Variants in ADAT1 observed in about 807,000 individuals in gnomAD.
ADAT1 encodes adenosine deaminase tRNA specific 1, also known as tRNA-specific adenosine deaminase 1.
A neutral mutation model predicts 58.6 loss-of-function variants in ADAT1; 58 were observed. That is an observed-to-expected ratio of 0.99 (90% confidence interval 0.80 to 1.23). ADAT1 has a LOEUF of 1.23. Ranked by LOEUF, ADAT1 falls within the 50% of genes most tolerant of loss-of-function variation. ADAT1 has a pLI of 0.00. For missense variants in ADAT1, 741 were observed against 608.6 expected (o/e 1.22, Z -2.29); for synonymous variants, 254 against 220.8 (o/e 1.15, Z -1.33).
Position 75,608,284 on chromosome 16 carries a change from A to T in ADAT1, c.1229T>A (p.Val410Asp). 6.2e-7 allele frequency: 1 copy of T among 1,614,132 alleles called. No individual in the cohort carries two copies. The highest frequency in any genetic ancestry group is 8.5e-7 in the Non-Finnish European group (1 of 1,179,984). The part of the protein sequence containing the change: ...WSAVPEQPLD[V>D]TANGFPQGTT... ...TCCCTGTGGAAAGCCATTGGCAGTA[A>T]CATCCAAAGGCTGCTCAGGAACTGC... Residue 410 changes from valine (V) to aspartate (D), a missense_variant, in exon 8 of 10, where the codon GTT becomes GAT. Transcript: ENST00000564657.
chr16:75,616,332 T>C (rs897702566), intron 5 of ADAT1, among the ~76,000 whole-genome samples: 3 of 151,934 alleles, frequency 2.0e-5, no homozygotes, highest in Non-Finnish European at 4.4e-5. Context: ...GCTGTATCTA[T>C]ATTTTCAATT....
chr16:75,610,887 G>T (rs1394108028), intron 6 of ADAT1, among the ~76,000 whole-genome samples: 1 of 152,156 alleles, frequency 6.6e-6, no homozygotes, highest in Non-Finnish European at 1.5e-5. Flanking sequence ...CAAGGTGGGA[G>T]AATTACTTAA....
chr16:75,608,205 C>T lies in ADAT1; in HGVS notation c.1289+19G>A, dbSNP rs1300240297. 2 of 1,606,924 alleles carry T rather than the reference C, an allele frequency of 1.2e-6. No individual in the cohort carries two copies. Among genetic ancestry groups the T allele is most frequent in the Non-Finnish European group, 1.7e-6 (2 of 1,173,756 alleles). ...GTGAGTTCACAGCCACCATCTCCTC[C>T]TGCCCCAATATGCTGTACCTTGCCT... is the stretch of plus-strand genomic sequence containing the variant. On this transcript the variant is annotated intron_variant, in intron 8 of 9. Coordinates refer to ENST00000564657, the MANE Select transcript of ADAT1 (RefSeq NM_001324445.2).
intron 9 of ADAT1, among the ~76,000 whole-genome samples, chr16:75,601,530 G>A (rs1483360953): frequency 6.6e-6 from 1 of 152,060 alleles, no homozygotes; most frequent in East Asian, 1.9e-4. Context: ...GCTGAGGCAG[G>A]TGGATCGCCC....
At chr16:75,600,679 T>A (rs75537446) in intron 9 of ADAT1, among the ~76,000 whole-genome samples, 1,984 of 149,190 alleles carry the variant, frequency 0.013, 52 homozygotes, top group African/African-American at 0.047. Context: ...AGAATAGTTT[T>A]ACCCAGTGCC....
At chr16:75,608,534 A>G in intron 7 of ADAT1, 3 of 582,012 alleles carry the variant, frequency 5.2e-6, no homozygotes, top group Non-Finnish European at 9.1e-6. Flanking sequence ...ACAATCACTG[A>G]GCATTTATTA....
At chr16:75,615,321 C>G (rs1473542582) in intron 5 of ADAT1, among the ~76,000 whole-genome samples, 1 of 150,872 alleles carries the variant, frequency 6.6e-6, no homozygotes, top group Non-Finnish European at 1.5e-5. Context: ...TCTCACAGAT[C>G]AGTACCTGTT....
intron 9 of ADAT1, among the ~76,000 whole-genome samples, chr16:75,600,838 G>A (rs551424669): frequency 1.3e-5 from 2 of 152,134 alleles, no homozygotes; most frequent in South Asian, 4.1e-4. Context: ...TGAATTTCTT[G>A]TATCCCAAAT....
In ADAT1 at chr16:75,597,661, G is replaced by A. The variant is rs1567454573; in HGVS notation, c.*2555C>T. Among the ~76,000 whole-genome samples, 2 of 152,156 alleles carry A rather than the reference G, an allele frequency of 1.3e-5. No homozygotes were observed. The highest frequency in any genetic ancestry group is 4.1e-4 in the South Asian group (2 of 4,830). ...TCACCATAAGGTAGAATCAGTAGGA[G>A]CCCTGAGCTTGTTTTCCTGCAACTA... On this transcript the variant is annotated 3_prime_UTR_variant, in exon 10 of 10. Transcript: ENST00000564657.
Position 75,620,788 on chromosome 16 carries a change from C to T in ADAT1, c.12G>A (p.Ala4=), listed in dbSNP as rs757880678. The T allele has an allele frequency of 1.7e-5, 28 of 1,612,670 alleles. No homozygotes were observed. The highest frequency in any genetic ancestry group is 3.3e-5 in the South Asian group (3 of 91,030). The change falls in exon 2 of 10, where the codon GCG becomes GCA. Residue 4 remains alanine (A), a synonymous_variant. Transcript: ENST00000564657. MWT[A]DEIAQLCYEH... is the part of the protein sequence containing the mutation. The stretch of plus-strand genomic sequence containing the variant: ...CATAGCATAGCTGAGCAATCTCATC[C>T]GCGGTCCACATGGTCTGAGCTGGTA...
chr16:75,609,489 G>A (rs1022768795), intron 6 of ADAT1, among the ~76,000 whole-genome samples: 2 of 152,060 alleles, frequency 1.3e-5, no homozygotes, highest in Admixed American at 1.3e-4. Context: ...ACAGTGCCTA[G>A]GGTTGGCTTT....
intron 3 of ADAT1, 123 bp from the exon 4 acceptor site, chr16:75,618,763 G>C: frequency 2.8e-6 from 3 of 1,089,464 alleles, no homozygotes; most frequent in South Asian, 3.0e-5. Context: ...GGAGAGCTTT[G>C]CCAGAAGGTA....
chr16:75,604,925 C>T lies in ADAT1; in HGVS notation c.1290-1754G>A, dbSNP rs543482022. ...CACAGGTTTGAACTGTGTGGGTCCA[C>T]TTACACATAGATTTTCTTCTGCCTC... On this transcript the variant is annotated intron_variant, in intron 8 of 9. Coordinates refer to ENST00000564657, the MANE Select transcript of ADAT1 (RefSeq NM_001324445.2). Among the ~76,000 whole-genome samples, 3 of 152,318 alleles carry T rather than the reference C, an allele frequency of 2.0e-5. No individual in the cohort carries two copies. In the South Asian group the frequency reaches 6.2e-4, roughly 32 times the overall value.
chr16:75,618,405 C>G (rs1371986743), intron 4 of ADAT1, among the ~76,000 whole-genome samples, 181 bp downstream of exon 4: 1 of 151,244 alleles, frequency 6.6e-6, no homozygotes, highest in Non-Finnish European at 1.5e-5. Context: ...ACTTGGGAGG[C>G]TGAGGCAGGA....
In ADAT1 at chr16:75,617,223, T is replaced by C. The variant is rs779656369; in HGVS notation, c.343A>G (p.Ile115Val). ...QLAATLKEDS[I>V]FVPGTQKGVW... ...CCTTTTTGAGTTCCTGGGACAAAGA[T>C]GCTATCCTCTTTCAGGGTGGCTGCC... The change falls in exon 5 of 10, where the codon ATC becomes GTC. Residue 115 changes from isoleucine to valine, a missense_variant. Ile to Val is a conservative substitution (Grantham distance 29, BLOSUM62 3). Transcript: ENST00000564657. The C allele has an allele frequency of 1.5e-5, 24 of 1,614,082 alleles. No homozygotes were observed. The highest frequency in any genetic ancestry group is 1.6e-4 in the Middle Eastern group (1 of 6,062).
At chr16:75,610,941 G>A (rs1037498498) in intron 6 of ADAT1, among the ~76,000 whole-genome samples, 4 of 152,008 alleles carry the variant, frequency 2.6e-5, no homozygotes, top group African/African-American at 4.8e-5. Context: ...ATAACACCCC[G>A]TCTCCACAAA....
chr16:75,612,237 T>C lies in ADAT1; in HGVS notation c.1043+6A>G, dbSNP rs756795226. The C allele has an allele frequency of 6.2e-7, 1 of 1,612,422 alleles. No homozygotes were observed. The highest frequency in any genetic ancestry group is 1.1e-5 in the South Asian group (1 of 90,964). ...TGTTCCAATTGAGCCCTCCCTACCC[T>C]CTCACCTTCCAATCAGTGCTCTCTG... On this transcript the variant is annotated splice_donor_region_variant and intron_variant, in intron 6 of 9. Transcript: ENST00000564657.
In ADAT1 at chr16:75,598,221, C is replaced by T. The variant is rs564776957; in HGVS notation, c.*1995G>A. On this transcript the variant is annotated 3_prime_UTR_variant, in exon 10 of 10. Transcript: ENST00000564657. ...CCTCCTGAGTAGTTGGGACTATAGG[C>T]GTGCGCCAATACACCTGGCTAATTT... 2.3e-4 allele frequency: 82 copies of T among 351,348 alleles called. No homozygotes were observed. The highest frequency in any genetic ancestry group is 1.4e-3 in the South Asian group (71 of 49,160). The allele number at this position is 351,348 out of a possible 1,614,324, so 21.8% of individuals were successfully genotyped here.
Position 75,600,080 on chromosome 16 carries a change from C to G in ADAT1, c.*136G>C. ...GCTTGCTCTAAGTTCCAGATTCCAT[C>G]TGTATTACACAACAGAGATGCAAAG... On this transcript the variant is annotated 3_prime_UTR_variant, in exon 10 of 10. Coordinates refer to ENST00000564657, the MANE Select transcript of ADAT1 (RefSeq NM_001324445.2). The G allele has an allele frequency of 6.7e-7, 1 of 1,495,344 alleles. No homozygotes were observed. The highest frequency in any genetic ancestry group is 1.4e-5 in the African/African-American group (1 of 71,522). 92.6% of individuals were successfully genotyped at this position (1,495,344 alleles called of 1,614,324 possible).
Sources: gnomAD v4.1 joint callset for allele counts (sites outside exome capture counted in the v4.1 genomes callset) on GRCh38, gnomAD v4.1.1 for gene constraint, MANE v1.5 for transcripts, NCBI Gene and HGNC (gene_info 2026-07-23, HGNC 2026-07-21) for gene names.